Variants in NXPE2 observed in about 807,000 individuals in gnomAD.
NXPE2 encodes neurexophilin and PC-esterase domain family member 2.
NXPE2 carries 34 observed loss-of-function variants against 34.4 expected under a neutral mutation model. The ratio of observed to expected loss-of-function variants is 0.99; its 90% CI spans 0.75 to 1.31. The LOEUF is 1.31. NXPE2 is among the 40% of genes most tolerant of loss of function. NXPE2 has a pLI of 0.00. For synonymous variants in NXPE2, 235 were observed against 231.3 expected (o/e 1.02, Z -0.15); for missense variants, 649 against 672.5 (o/e 0.97, Z 0.39).
At chr11:114,594,664 C>A in the NXPE2 span, 1 of 1,583,580 alleles carries the variant, frequency 6.3e-7, no homozygotes, top group Non-Finnish European at 8.6e-7. Context: ...CATTTCCTAC[C>A]TTTGTGGAGT....
At chr11:114,780,229 G>T in the NXPE2 span, among the ~76,000 whole-genome samples, 1 of 152,228 alleles carries the variant, frequency 6.6e-6, no homozygotes, top group Non-Finnish European at 1.5e-5. Flanking sequence ...TGAGGGAGGT[G>T]GAGATGGACC....
chr11:114,810,457 A>G, the NXPE2 span, among the ~76,000 whole-genome samples: 1 of 142,712 alleles, frequency 7.0e-6, no homozygotes, highest in African/African-American at 2.6e-5. Context: ...CAAAGGGCTA[A>G]TATCCAGAAT....
the NXPE2 span, among the ~76,000 whole-genome samples, chr11:114,564,630 C>T: frequency 9.2e-5 from 14 of 152,106 alleles, no homozygotes; most frequent in South Asian, 2.9e-3. Flanking sequence ...CCACCTGGGA[C>T]TTGACTGACC....
the NXPE2 span, among the ~76,000 whole-genome samples, chr11:114,668,307 A>G: frequency 6.6e-6 from 1 of 151,842 alleles, no homozygotes; most frequent in Non-Finnish European, 1.5e-5. Flanking sequence ...TCTGCTTCCT[A>G]TTTCTGCTAG....
At chr11:114,807,116 A>C in the NXPE2 span, among the ~76,000 whole-genome samples, 6 of 150,654 alleles carry the variant, frequency 4.0e-5, no homozygotes, top group East Asian at 5.9e-4. Context: ...GGGAGAAATA[A>C]AATACTTTAC....
At chr11:114,632,181 TAAA>T in the NXPE2 span, among the ~76,000 whole-genome samples, 1 of 131,254 alleles carries the variant, frequency 7.6e-6, no homozygotes, top group Admixed American at 7.9e-5. Context: ...TAATATATAA[TAAA>T]TAAATGATCA....
the NXPE2 span, among the ~76,000 whole-genome samples, chr11:114,776,233 G>A: frequency 7.9e-5 from 12 of 152,362 alleles, no homozygotes; most frequent in African/African-American, 2.9e-4. Context: ...TCCGGGCACA[G>A]GAGAGCCCAC....
chr11:114,591,048 T>A, the NXPE2 span, among the ~76,000 whole-genome samples: 1 of 152,090 alleles, frequency 6.6e-6, no homozygotes, highest in Non-Finnish European at 1.5e-5. Flanking sequence ...CCAGGGAGGA[T>A]CTCAGGGAAA....
the NXPE2 span, among the ~76,000 whole-genome samples, chr11:114,784,650 G>A: frequency 6.6e-6 from 1 of 152,140 alleles, no homozygotes; most frequent in Non-Finnish European, 1.5e-5. Context: ...CTTTCCTGGT[G>A]ACAGACCTGA....
the NXPE2 span, among the ~76,000 whole-genome samples, chr11:114,616,734 C>T: frequency 6.6e-6 from 1 of 151,214 alleles, no homozygotes; most frequent in African/African-American, 2.4e-5. Context: ...GTGTTGCCTC[C>T]TGGGTAACCA....
At chr11:114,634,754 C>G in the NXPE2 span, among the ~76,000 whole-genome samples, 102,076 of 151,670 alleles carry the variant, frequency 0.67, 34,728 homozygotes, top group African/African-American at 0.75. Context: ...TCTCAGGTTT[C>G]TCAAAGATCA....
At chr11:114,762,314 C>A in the NXPE2 span, among the ~76,000 whole-genome samples, 2 of 151,916 alleles carry the variant, frequency 1.3e-5, no homozygotes, top group Non-Finnish European at 2.9e-5. Context: ...AGTGTGCATG[C>A]GCAGGTTAGA....
the NXPE2 span, among the ~76,000 whole-genome samples, chr11:114,790,532 C>T: frequency 6.6e-6 from 1 of 152,194 alleles, no homozygotes; most frequent in African/African-American, 2.4e-5. Context: ...TTTATCAGCA[C>T]AAAACCCAGA....
chr11:114,750,988 G>C, the NXPE2 span, among the ~76,000 whole-genome samples: 2 of 152,056 alleles, frequency 1.3e-5, no homozygotes, highest in Admixed American at 1.3e-4. Context: ...TTGTGGGGGT[G>C]GGGGGTGTGG....
At chr11:114,605,214 C>G in the NXPE2 span, among the ~76,000 whole-genome samples, 1 of 151,914 alleles carries the variant, frequency 6.6e-6, no homozygotes, top group Non-Finnish European at 1.5e-5. Flanking sequence ...TAAGTATTGC[C>G]TCGTGGGTAA....
At chr11:114,635,973 G>T in the NXPE2 span, among the ~76,000 whole-genome samples, 15 of 152,018 alleles carry the variant, frequency 9.9e-5, no homozygotes, top group African/African-American at 3.4e-4. Context: ...GATGATGCTG[G>T]CCTCATAAAA....
At chr11:114,518,650 CTG>C in the NXPE2 span, among the ~76,000 whole-genome samples, 1 of 152,154 alleles carries the variant, frequency 6.6e-6, no homozygotes, top group Non-Finnish European at 1.5e-5. Flanking sequence ...ATCCTTTGCT[CTG>C]TGGTGACACC....
the NXPE2 span, among the ~76,000 whole-genome samples, chr11:114,519,696 G>A: frequency 1.3e-5 from 2 of 152,058 alleles, no homozygotes; most frequent in Non-Finnish European, 2.9e-5. Context: ...GTGGTGCAGA[G>A]GCTTCAGAGA....
the NXPE2 span, among the ~76,000 whole-genome samples, chr11:114,641,906 C>T: frequency 6.6e-6 from 1 of 152,006 alleles, no homozygotes. Flanking sequence ...TGAAAGAACA[C>T]TAGAGTAACT....
Sources: gnomAD v4.1 joint callset for allele counts (sites outside exome capture counted in the v4.1 genomes callset) on GRCh38, gnomAD v4.1.1 for gene constraint, MANE v1.5 for transcripts, NCBI Gene and HGNC (gene_info 2026-07-23, HGNC 2026-07-21) for gene names.